The following BACE1 variants were observed in gnomAD, a reference collection of about 807,000 sequenced individuals.
BACE1 encodes the protein beta-secretase 1, also known as APP beta-secretase.
In BACE1, 21 loss-of-function variants were observed where a neutral mutation model predicts 54.0. The ratio of observed to expected loss-of-function variants is 0.39; its 90% CI spans 0.28 to 0.56. BACE1 has a LOEUF of 0.56. Ranked by LOEUF, BACE1 falls within the 20% of genes least tolerant of loss-of-function variation. The pLI is 0.63. For synonymous variants in BACE1, 232 were observed against 260.9 expected, an observed-to-expected ratio of 0.89 and a Z score of 1.07; for missense variants, 511 against 661.2, an observed-to-expected ratio of 0.77 and a Z score of 2.49.
In BACE1 at chr11:117,291,859, G is replaced by A. The variant is rs531164090; in HGVS notation, c.841-46C>T. ...TTAAAAGAGTCAAAAGGTTTTTGAT[G>A]CTGGGCTCTGGGCAGTAGGGGGTTA... On this transcript the variant is annotated intron_variant, in intron 5 of 8. Transcript: ENST00000313005. 2.1e-6 allele frequency: 3 copies of A among 1,463,086 alleles called. No homozygotes were observed. In the Admixed American group the frequency reaches 5.1e-5, roughly 25 times the overall value. 90.6% of individuals were successfully genotyped at this position (1,463,086 alleles called of 1,614,324 possible). A position where few individuals can be genotyped will look rare whatever the true frequency, so the allele number is the denominator to read the frequency against.
intron 1 of BACE1, among the ~76,000 whole-genome samples, chr11:117,310,773 A>T (rs1565367267): frequency 2.6e-5 from 4 of 152,198 alleles, no homozygotes; most frequent in Admixed American, 2.6e-4. Context: ...GTAATACATT[A>T]CAAGTGTAGT....
At position 117,316,129 on chromosome 11, in the gene BACE1, C is replaced by G; in HGVS notation, c.-334G>C. On this transcript the variant is annotated 5_prime_UTR_variant, in exon 1 of 9. Coordinates refer to ENST00000313005, the MANE Select transcript of BACE1 (RefSeq NM_012104.6). The stretch of plus-strand genomic sequence containing the variant: ...GCCGGTGGCGGCTTCCCTGGTCCCC[C>G]CGGCGGGCGGCGGCGCGGGCAGGGG... 2 of 396,634 alleles carry G rather than the reference C, an allele frequency of 5.0e-6. No individual in the cohort carries two copies. The highest frequency in any genetic ancestry group is 8.9e-5 in the Admixed American group (2 of 22,572). 24.6% of individuals were successfully genotyped at this position (396,634 alleles called of 1,614,324 possible).
At chr11:117,314,501 C>T (rs907423446) in intron 1 of BACE1, 1 of 152,334 alleles carries the variant, frequency 6.6e-6, no homozygotes, top group Non-Finnish European at 1.5e-5. Context: ...CTTCACAGAC[C>T]CTCCCAAGGA....
At chr11:117,290,764 C>T (rs979746829) in intron 7 of BACE1, 105 bp from the exon 8 acceptor site, 44 of 1,555,274 alleles carry the variant, frequency 2.8e-5, no homozygotes, top group South Asian at 1.1e-4. Context: ...TGAGCTCTAA[C>T]GGGTTTTCTG....
chr11:117,309,865 G>A (rs2034907437), intron 1 of BACE1, among the ~76,000 whole-genome samples: 1 of 152,056 alleles, frequency 6.6e-6, no homozygotes. Flanking sequence ...CCTATGTTTG[G>A]TCAGTGATGC....
At chr11:117,304,057 C>T (rs1409015330) in intron 1 of BACE1, among the ~76,000 whole-genome samples, 2 of 152,180 alleles carry the variant, frequency 1.3e-5, no homozygotes, top group South Asian at 4.1e-4. Context: ...AATGAACCAC[C>T]CTGCCCCCCA....
Position 117,289,295 on chromosome 11 carries a change from C to T in BACE1, c.*271G>A. 1 of 427,558 alleles carries T rather than the reference C, an allele frequency of 2.3e-6. No individual in the cohort carries two copies. The highest frequency in any genetic ancestry group is 3.9e-5 in the East Asian group (1 of 25,586). The allele number at this position is 427,558 out of a possible 1,614,324, so 26.5% of individuals were successfully genotyped here. On this transcript the variant is annotated 3_prime_UTR_variant, in exon 9 of 9. Transcript: ENST00000313005. Reference sequence around the variant, plus strand: ...AAAGGTTCAGGGCTGAAGTTTCAAGCAGCAGAATTTCCCGACTTAAATTTG... The same window carrying T: ...AAAGGTTCAGGGCTGAAGTTTCAAGTAGCAGAATTTCCCGACTTAAATTTG...
chr11:117,295,418 C>G, intron 2 of BACE1, 71 bp from the exon 3 acceptor site: 4 of 1,569,524 alleles, frequency 2.5e-6, no homozygotes, highest in Non-Finnish European at 3.5e-6. Context: ...TAAACTTACT[C>G]CCAAACACCA....
Position 117,293,848 on chromosome 11 carries a change from C to T in BACE1, c.705+23G>A, listed in dbSNP as rs28989502. The T allele has an allele frequency of 2.8e-3, 4,471 of 1,600,012 alleles. 5 individuals are homozygous for T. Among genetic ancestry groups the T allele is most frequent in the Non-Finnish European group, 3.4e-3 (4,009 of 1,173,218 alleles). ...CATCTCTCCCTCAATGCCAGGACCTCCCCTCTCTGAGGACCTACTCACCAT... is the reference window on the plus strand; with the variant it reads ...CATCTCTCCCTCAATGCCAGGACCTTCCCTCTCTGAGGACCTACTCACCAT... On this transcript the variant is annotated intron_variant, in intron 4 of 8. Coordinates refer to ENST00000313005, the MANE Select transcript of BACE1 (RefSeq NM_012104.6). This position sits in a 1 kb window ranked among gnomAD's most constrained non-coding sequence, Gnocchi z 4.1.
intron 7 of BACE1, 27 bp from the exon 8 acceptor site, chr11:117,290,686 T>C (rs2034400066): frequency 1.2e-6 from 2 of 1,611,082 alleles, no homozygotes; most frequent in Non-Finnish European, 1.7e-6. Context: ...ACAGGGTGAG[T>C]GTCTTCCTCA....
At chr11:117,302,221 G>A (rs1003943189) in intron 1 of BACE1, among the ~76,000 whole-genome samples, 7 of 151,938 alleles carry the variant, frequency 4.6e-5, no homozygotes, top group Non-Finnish European at 7.4e-5. Context: ...TAATCCCAGC[G>A]ACTCGGAAGG....
rs1565367352 is a variant in BACE1, at chr11:117,310,945, CTTCTG to C, written c.261+4585_261+4589del. The stretch of plus-strand genomic sequence containing the variant: ...GTGGTTTAACCTTTCAACCCCATTT[CTTCTG>C]CTAGACACTGTGAGTGATAAAGACC... On this transcript the variant is annotated intron_variant, in intron 1 of 8. Transcript: ENST00000313005. Among the ~76,000 whole-genome samples the C allele has an allele frequency of 8.9e-3, 1,339 of 151,292 alleles. 21 individuals are homozygous for C. Among genetic ancestry groups the C allele is most frequent in the African/African-American group, 0.031 (1,283 of 41,252 alleles).
At chr11:117,292,998 T>C in intron 5 of BACE1, 56 bp downstream of exon 5, 1 of 1,590,062 alleles carries the variant, frequency 6.3e-7, no homozygotes, top group East Asian at 2.3e-5. Context: ...AGAGTCTTCC[T>C]TCACATTGTA....
Position 117,315,728 on chromosome 11 carries a change from T to C in BACE1, c.68A>G (p.Gln23Arg), listed in dbSNP as rs1216601517. The C allele has an allele frequency of 6.8e-7, 1 of 1,481,128 alleles. No homozygotes were observed. Among genetic ancestry groups the C allele is most frequent in the Admixed American group, 2.6e-5 (1 of 38,588 alleles). The allele number at this position is 1,481,128 out of a possible 1,614,324, so 91.7% of individuals were successfully genotyped here. The change falls in exon 1 of 9, where the codon CAG (glutamine) becomes CGG (arginine). Residue 23 changes from glutamine to arginine, a missense_variant. Gln to Arg is a conservative substitution (Grantham distance 43). Transcript: ENST00000313005. This position sits in a 1 kb window ranked among gnomAD's most constrained non-coding sequence, Gnocchi z 5.5. ...GAGVLPAHGT[Q>R]HGIRLPLRSG... ...GCGCAGGGGCAGCCGGATGCCGTGC[T>C]GGGTGCCGTGGGCAGGCAGCACTCC...
intron 1 of BACE1, among the ~76,000 whole-genome samples, chr11:117,305,226 C>T (rs2034804689): frequency 6.6e-6 from 1 of 152,146 alleles, no homozygotes. Context: ...GCTTCATCTG[C>T]TTTTCCTAAG....
At chr11:117,312,472 T>A (rs1004967556) in intron 1 of BACE1, among the ~76,000 whole-genome samples, 2 of 152,098 alleles carry the variant, frequency 1.3e-5, no homozygotes, top group Non-Finnish European at 2.9e-5. Flanking sequence ...CTCTTTTCTT[T>A]TTTTTTTTGA....
chr11:117,310,010 G>T (rs2034910946), intron 1 of BACE1, among the ~76,000 whole-genome samples: 1 of 152,176 alleles, frequency 6.6e-6, no homozygotes, highest in African/African-American at 2.4e-5. Context: ...ACGGGCTCAA[G>T]CGATTCTCCT....
At chr11:117,295,501 C>T in intron 2 of BACE1, 154 bp from the exon 3 acceptor site, 2 of 1,536,492 alleles carry the variant, frequency 1.3e-6, no homozygotes, top group Non-Finnish European at 1.7e-6. Flanking sequence ...GACTCACCAC[C>T]CAGAACAGAG....
In BACE1 at chr11:117,286,621, C is replaced by T. The variant is rs1239728405; in HGVS notation, c.*2945G>A. On this transcript the variant is annotated 3_prime_UTR_variant, in exon 9 of 9. Coordinates refer to ENST00000313005, the MANE Select transcript of BACE1 (RefSeq NM_012104.6). Reference sequence around the variant, plus strand: ...ACCCAACTAAATGATCTCCTTTCTGCCTTTGATACTCTTTTCCTTCTTTGT... The same window carrying T: ...ACCCAACTAAATGATCTCCTTTCTGTCTTTGATACTCTTTTCCTTCTTTGT... 1 of 152,644 alleles carries T rather than the reference C, an allele frequency of 6.6e-6. No individual in the cohort carries two copies. Among genetic ancestry groups the T allele is most frequent in the African/African-American group, 2.4e-5 (1 of 41,438 alleles). The allele number at this position is 152,644 out of a possible 1,614,324, so 9.5% of individuals were successfully genotyped here.
Sources: gnomAD v4.1 joint callset for allele counts (sites outside exome capture counted in the v4.1 genomes callset) on GRCh38, gnomAD v4.1.1 for gene constraint, Gnocchi (gnomAD v3.1) non-coding constraint, MANE v1.5 for transcripts, NCBI Gene and HGNC (gene_info 2026-07-23, HGNC 2026-07-21) for gene names.